ZMYM2: variants seen among roughly 807,000 people sequenced by gnomAD.
ZMYM2 encodes the protein zinc finger MYM-type protein 2.
In ZMYM2, 56 loss-of-function variants were observed where a neutral mutation model predicts 162.8. The observed-to-expected ratio is 0.34, with a 90% CI of 0.28 to 0.43. The LOEUF is 0.43. Ranked by LOEUF, ZMYM2 falls within the 20% of genes least tolerant of loss-of-function variation. The probability of loss-of-function intolerance (pLI) is 1.00; values close to 1 mark genes in which losing one functional copy is unlikely to be tolerated. For missense variants in ZMYM2, 1,275 were observed against 1,621.8 expected (o/e 0.79, Z 3.67); for synonymous variants, 510 against 541.6 (o/e 0.94, Z 0.81).
chr13:20,057,984 G>A (rs1236316792), intron 14 of ZMYM2, among the ~76,000 whole-genome samples: 2 of 152,162 alleles, frequency 1.3e-5, no homozygotes, highest in Non-Finnish European at 2.9e-5. Context: ...TGTTTGCAAT[G>A]CAAATAATGC....
intron 21 of ZMYM2, among the ~76,000 whole-genome samples, chr13:20,078,726 A>G (rs1957693392): frequency 6.6e-6 from 1 of 152,212 alleles, no homozygotes; most frequent in Admixed American, 6.5e-5. Flanking sequence ...AAATATATAC[A>G]AGATTTCAAA....
intron 24 of ZMYM2, among the ~76,000 whole-genome samples, chr13:20,084,927 A>G (rs1958158504): frequency 6.6e-6 from 1 of 152,192 alleles, no homozygotes; most frequent in African/African-American, 2.4e-5. Context: ...CCTTATCCAA[A>G]ATGCTTCTGA....
At chr13:19,913,840 T>A in the ZMYM2 span, among the ~76,000 whole-genome samples, 5 of 152,216 alleles carry the variant, frequency 3.3e-5, no homozygotes, top group Admixed American at 3.3e-4. Context: ...CCATTCCTAC[T>A]ACATCGCCTT....
At chr13:20,029,052 A>G (rs949176509) in intron 9 of ZMYM2, among the ~76,000 whole-genome samples, 3 of 152,246 alleles carry the variant, frequency 2.0e-5, no homozygotes, top group Non-Finnish European at 2.9e-5. Context: ...TAAAAGTAAG[A>G]TAACAGGATA....
intron 21 of ZMYM2, among the ~76,000 whole-genome samples, chr13:20,080,476 C>T (rs960437531): frequency 4.0e-5 from 6 of 151,610 alleles, no homozygotes; most frequent in African/African-American, 2.4e-5. Context: ...AAATTGAATC[C>T]GACAATATCT....
intron 4 of ZMYM2, 81 bp downstream of exon 4, chr13:20,003,216 A>G (rs909318357): frequency 1.2e-5 from 18 of 1,464,944 alleles, no homozygotes; most frequent in Non-Finnish European, 1.5e-5. Flanking sequence ...ACAGATTTGT[A>G]ATACCTTTGG....
At chr13:19,885,822 G>A in the ZMYM2 span, among the ~76,000 whole-genome samples, 1 of 140,680 alleles carries the variant, frequency 7.1e-6, no homozygotes, top group Non-Finnish European at 1.5e-5. Flanking sequence ...ACTCCAGCCT[G>A]GGCAACAAGA....
At chr13:19,984,734 A>T (rs929340713) in intron 2 of ZMYM2, among the ~76,000 whole-genome samples, 10 of 152,218 alleles carry the variant, frequency 6.6e-5, no homozygotes, top group Non-Finnish European at 1.2e-4. Flanking sequence ...GAAGTGACCA[A>T]TATTATTTAC....
Position 19,993,723 on chromosome 13 carries a change from A to G in ZMYM2, c.651A>G (p.Val217=). The G allele has an allele frequency of 6.2e-7, 1 of 1,614,042 alleles. No homozygotes were observed. Among genetic ancestry groups the G allele is most frequent in the Non-Finnish European group, 8.5e-7 (1 of 1,179,892 alleles). ...GRDMNLMITH[V]TSLQNTNLGD... ...ATATGAACTTAATGATTACACATGTAACATCACTGCAGAATACCAACTTGG... is the reference window on the plus strand; with the variant it reads ...ATATGAACTTAATGATTACACATGTGACATCACTGCAGAATACCAACTTGG... Residue 217 remains valine, a synonymous_variant, in exon 3 of 25, where the codon GTA becomes GTG. Transcript: ENST00000610343.
chr13:20,026,315 T>C, intron 7 of ZMYM2: 1 of 208,734 alleles, frequency 4.8e-6, no homozygotes. Context: ...ACTGTGCCTT[T>C]CCTAAATTTT....
At chr13:19,880,189 G>A in the ZMYM2 span, among the ~76,000 whole-genome samples, 2 of 152,146 alleles carry the variant, frequency 1.3e-5, no homozygotes, top group African/African-American at 4.8e-5. Flanking sequence ...CCATAAGCAG[G>A]TGAGCTAATT....
At chr13:20,029,351 T>G (rs1223115851) in intron 9 of ZMYM2, among the ~76,000 whole-genome samples, 1 of 152,214 alleles carries the variant, frequency 6.6e-6, no homozygotes, top group African/African-American at 2.4e-5. Flanking sequence ...AGCCCCTACC[T>G]CTTCTAATAC....
At chr13:20,012,198 A>G (rs1289524415) in intron 6 of ZMYM2, among the ~76,000 whole-genome samples, 1 of 147,988 alleles carries the variant, frequency 6.8e-6, no homozygotes, top group Admixed American at 6.7e-5. Flanking sequence ...TTTTTTTGAG[A>G]TGGGTCTCGG....
chr13:20,083,706 G>T lies in ZMYM2; in HGVS notation c.3871G>T (p.Glu1291Ter). The T allele has an allele frequency of 6.3e-7, 1 of 1,588,086 alleles. No individual in the cohort carries two copies. Among genetic ancestry groups the T allele is most frequent in the South Asian group, 1.1e-5 (1 of 87,184 alleles). Residue 1291 changes from glutamate (E) to a stop codon, truncating the protein, a stop_gained, in exon 24 of 25, where the codon GAA becomes TAA. Transcript: ENST00000610343. LOFTEE classifies it high-confidence loss of function. ...ACATGAAGATGATGAGCCAGTATTT[G>T]AACAAATTGAAAACACAGCCAATCC... Reference protein sequence around the residue: ...RKHEDDEPVFEQIENTANPSR... With the variant: ...RKHEDDEPVF
At chr13:20,004,230 AG>A (rs1950583179) in intron 4 of ZMYM2, among the ~76,000 whole-genome samples, 1 of 152,054 alleles carries the variant, frequency 6.6e-6, no homozygotes, top group African/African-American at 2.4e-5. Flanking sequence ...AAAACTTCAA[AG>A]GTCATCAGTA....
chr13:20,041,567 T>C lies in ZMYM2; in HGVS notation c.2292+4658T>C, dbSNP rs546614851. 5.9e-5 allele frequency among the ~76,000 whole-genome samples: 9 copies of C among 152,360 alleles called. No individual in the cohort carries two copies. The East Asian group carries it at 1.3e-3, about 23-fold the overall frequency. On this transcript the variant is annotated intron_variant, in intron 12 of 24. Transcript: ENST00000610343. The stretch of plus-strand genomic sequence containing the variant: ...TTTACATTTAAGGTTAGTATTGATA[T>C]GTGTGGGTTTGATCCTGTCATCATG...
chr13:20,063,047 T>A (rs1956347520), intron 18 of ZMYM2, 76 bp downstream of exon 18: 1 of 1,450,538 alleles, frequency 6.9e-7, no homozygotes, highest in Admixed American at 2.7e-5. Context: ...ATTTGATGTT[T>A]GTGTCATTGC....
the ZMYM2 span, among the ~76,000 whole-genome samples, chr13:19,885,927 GTGTATACACATATATATGTA>G: frequency 3.1e-5 from 3 of 97,518 alleles, 1 homozygote; most frequent in Admixed American, 2.0e-4. Flanking sequence ...ACATATATAT[GTGTATACACATATATATGTA>G]TATACACATA....
intron 2 of ZMYM2, among the ~76,000 whole-genome samples, chr13:19,974,696 T>C (rs957103350): frequency 7.2e-5 from 11 of 152,236 alleles, no homozygotes; most frequent in Admixed American, 1.3e-4. Flanking sequence ...GATCTCTAAC[T>C]CCTGACCTCG....
Sources: gnomAD v4.1 joint callset for allele counts (sites outside exome capture counted in the v4.1 genomes callset) on GRCh38, gnomAD v4.1.1 for gene constraint, MANE v1.5 for transcripts, NCBI Gene and HGNC (gene_info 2026-07-23, HGNC 2026-07-21) for gene names.